RABGAP1L: variants seen among roughly 807,000 people sequenced by gnomAD.
RABGAP1L encodes RAB GTPase activating protein 1 like.
A neutral mutation model predicts 137.7 loss-of-function variants in RABGAP1L; 63 were observed. The observed-to-expected ratio is 0.46, with a 90% CI of 0.37 to 0.56. RABGAP1L has a LOEUF of 0.56. Ranked by LOEUF, RABGAP1L falls within the 20% of genes least tolerant of loss-of-function variation. The pLI, the probability that RABGAP1L is intolerant of heterozygous loss-of-function variation, is 0.00. For missense variants in RABGAP1L, 1,095 were observed against 1,244.0 expected (o/e 0.88, Z 1.80); for synonymous variants, 431 against 433.7 (o/e 0.99, Z 0.08).
At chr1:174,166,555 T>C (rs1664926167) in intron 1 of RABGAP1L, among the ~76,000 whole-genome samples, 1 of 152,204 alleles carries the variant, frequency 6.6e-6, no homozygotes, top group South Asian at 2.1e-4. Context: ...TGACTGAAGA[T>C]GTTTTGAAGT....
chr1:174,282,816 C>T (rs968424720), intron 10 of RABGAP1L, among the ~76,000 whole-genome samples: 6 of 152,152 alleles, frequency 3.9e-5, no homozygotes, highest in African/African-American at 1.2e-4. Context: ...CCACACCTCT[C>T]TCATGTGGGT....
At chr1:174,653,747 A>G (rs1404778684) in intron 14 of RABGAP1L, among the ~76,000 whole-genome samples, 1 of 152,236 alleles carries the variant, frequency 6.6e-6, no homozygotes, top group African/African-American at 2.4e-5. Context: ...ATTTTGAACA[A>G]TATCTGATTA....
chr1:174,916,076 G>GTTTTTTTTTTTTTTTTTTT, intron 19 of RABGAP1L, among the ~76,000 whole-genome samples: 1 of 113,592 alleles, frequency 8.8e-6, no homozygotes, highest in Non-Finnish European at 1.9e-5. Context: ...TTTTTCTTTA[G>GTTTTTTTTTTTTTTTTTTT]TTTTTTTTTT....
intron 14 of RABGAP1L, among the ~76,000 whole-genome samples, chr1:174,652,451 G>C (rs1675599447): frequency 1.3e-5 from 2 of 152,136 alleles, no homozygotes; most frequent in Non-Finnish European, 2.9e-5. Context: ...TCTATCTGTG[G>C]TCTTTGATGT....
chr1:174,654,573 T>C lies in RABGAP1L; in HGVS notation c.1824+17085T>C, dbSNP rs185607963. ...GTCCAAGAATGTAAACTAAACACTC[T>C]GAGTAATTTACCATATTCAGTTAGT... On this transcript the variant is annotated intron_variant, in intron 14 of 25. Transcript: ENST00000681986. Among the ~76,000 whole-genome samples, 9 of 152,280 alleles carry C rather than the reference T, an allele frequency of 5.9e-5. No individual in the cohort carries two copies. In the East Asian group the frequency reaches 1.7e-3, roughly 29 times the overall value.
At chr1:174,197,787 C>T (rs961892682) in intron 1 of RABGAP1L, among the ~76,000 whole-genome samples, 2 of 151,114 alleles carry the variant, frequency 1.3e-5, no homozygotes, top group East Asian at 1.9e-4. Context: ...GTAACGAGAG[C>T]GAAACTCCGT....
At chr1:174,857,298 C>T (rs558929511) in intron 19 of RABGAP1L, among the ~76,000 whole-genome samples, 70 of 152,322 alleles carry the variant, frequency 4.6e-4, no homozygotes, top group South Asian at 1.7e-3. Context: ...TCACACCCTG[C>T]ACACACCATT....
At chr1:174,547,741 G>C (rs1666135789) in intron 13 of RABGAP1L, 1 of 1,038,500 alleles carries the variant, frequency 9.6e-7, no homozygotes, top group South Asian at 1.7e-5. Flanking sequence ...TTTGGATATG[G>C]AGTCATTGTA....
intron 18 of RABGAP1L, among the ~76,000 whole-genome samples, chr1:174,792,715 A>T (rs906488996): frequency 1.3e-5 from 2 of 152,226 alleles, no homozygotes; most frequent in Non-Finnish European, 2.9e-5. Flanking sequence ...AACTAAAACT[A>T]TATATAACTG....
At chr1:174,371,696 C>T (rs181196996) in intron 12 of RABGAP1L, among the ~76,000 whole-genome samples, 3 of 152,174 alleles carry the variant, frequency 2.0e-5, no homozygotes, top group East Asian at 3.9e-4. Flanking sequence ...CAACAAAATA[C>T]TTCCCCATAT....
chr1:174,851,110 A>G (rs554940826), intron 19 of RABGAP1L, among the ~76,000 whole-genome samples: 1 of 152,344 alleles, frequency 6.6e-6, no homozygotes, highest in Non-Finnish European at 1.5e-5. Flanking sequence ...TGATACCCTG[A>G]GCAGAGCCCA....
At chr1:174,513,468 G>A (rs751348594) in intron 13 of RABGAP1L, among the ~76,000 whole-genome samples, 1 of 151,960 alleles carries the variant, frequency 6.6e-6, no homozygotes, top group Non-Finnish European at 1.5e-5. Context: ...AAAAAAAATA[G>A]CCAGGCTTGG....
intron 18 of RABGAP1L, among the ~76,000 whole-genome samples, chr1:174,804,930 G>A (rs1446265676): frequency 1.3e-5 from 2 of 152,104 alleles, no homozygotes; most frequent in Admixed American, 1.3e-4. Context: ...TTTTACCTCT[G>A]TTGTTAACAG....
intron 13 of RABGAP1L, among the ~76,000 whole-genome samples, chr1:174,412,920 C>A (rs1250998522): frequency 6.6e-6 from 1 of 152,026 alleles, no homozygotes; most frequent in African/African-American, 2.4e-5. Context: ...TGAGCTTGGA[C>A]AGTCTTGTGA....
At chr1:174,348,437 A>T (rs1000781411) in intron 11 of RABGAP1L, among the ~76,000 whole-genome samples, 12 of 146,706 alleles carry the variant, frequency 8.2e-5, no homozygotes, top group Admixed American at 7.9e-4. Context: ...GTTTCTATTT[A>T]TTTTTTATTT....
intron 13 of RABGAP1L, among the ~76,000 whole-genome samples, chr1:174,525,525 C>CT (rs1420162191): frequency 6.6e-6 from 1 of 152,064 alleles, no homozygotes; most frequent in Non-Finnish European, 1.5e-5. Context: ...CTTATCAACT[C>CT]TAAGAGATTT....
chr1:174,366,778 G>GAAAAAAAAAAAA (rs71117562), intron 11 of RABGAP1L, among the ~76,000 whole-genome samples: 1 of 94,760 alleles, frequency 1.1e-5, no homozygotes, highest in Admixed American at 1.3e-4. Flanking sequence ...CCGTCTCCAG[G>GAAAAAAAAAAAA]AAAAAAAAAA....
At chr1:174,947,954 C>T (rs2149315475) in intron 19 of RABGAP1L, among the ~76,000 whole-genome samples, 1 of 152,238 alleles carries the variant, frequency 6.6e-6, no homozygotes, top group South Asian at 2.1e-4. Context: ...GTTTGAAACT[C>T]AGAATGGATA....
intron 19 of RABGAP1L, chr1:174,877,354 C>G: frequency 1.0e-3 from 885 of 888,994 alleles, no homozygotes; most frequent in East Asian, 2.7e-3. Flanking sequence ...CTCTTTCTTT[C>G]TTTCTGGATT....
Sources: gnomAD v4.1 joint callset for allele counts (sites outside exome capture counted in the v4.1 genomes callset) on GRCh38, gnomAD v4.1.1 for gene constraint, MANE v1.5 for transcripts, NCBI Gene and HGNC (gene_info 2026-07-23, HGNC 2026-07-21) for gene names.